Variants in CNR1 observed in about 807,000 individuals in gnomAD.
CNR1 encodes the protein cannabinoid receptor 1 (brain).
Under a neutral mutation model 23.0 loss-of-function variants are expected in CNR1, and 10 were observed. That is an observed-to-expected ratio of 0.43 (90% CI 0.27 to 0.74). The LOEUF is 0.74. Among genes scored for constraint, CNR1 ranks in the 30% least tolerant of loss-of-function variants. The pLI, the probability that CNR1 is intolerant of heterozygous loss-of-function variation, is 0.19. For synonymous variants in CNR1, 271 were observed against 255.2 expected (o/e 1.06, Z -0.59); for missense variants, 422 against 618.8 (o/e 0.68, Z 3.37).
intron 1 of CNR1, among the ~76,000 whole-genome samples, chr6:88,152,997 T>C (rs999319929): frequency 6.6e-6 from 1 of 152,196 alleles, no homozygotes; most frequent in Non-Finnish European, 1.5e-5. Context: ...TTGAATGACA[T>C]ATAAGGGAAT....
At chr6:88,153,807 A>G (rs988061836) in intron 1 of CNR1, among the ~76,000 whole-genome samples, 1 of 152,258 alleles carries the variant, frequency 6.6e-6, no homozygotes, top group African/African-American at 2.4e-5. Flanking sequence ...TCATGCTGTC[A>G]ATATACACGG....
At chr6:88,158,553 C>T (rs1777922013) in intron 1 of CNR1, among the ~76,000 whole-genome samples, 1 of 152,144 alleles carries the variant, frequency 6.6e-6, no homozygotes, top group Non-Finnish European at 1.5e-5. Context: ...TTACGAAAAA[C>T]ACAAATTCTC....
At chr6:88,160,828 A>T (rs2127769372) in intron 1 of CNR1, among the ~76,000 whole-genome samples, 2 of 152,332 alleles carry the variant, frequency 1.3e-5, no homozygotes, top group East Asian at 3.9e-4. Context: ...ACTCATATTG[A>T]TTCCAATTTT....
chr6:88,161,385 G>A (rs1778098352), intron 1 of CNR1, among the ~76,000 whole-genome samples: 2 of 152,058 alleles, frequency 1.3e-5, no homozygotes, highest in Admixed American at 6.5e-5. Context: ...TATGAACCTC[G>A]AGAATTCCAT....
intron 1 of CNR1, among the ~76,000 whole-genome samples, chr6:88,155,900 G>A (rs1476845407): frequency 6.6e-6 from 1 of 152,164 alleles, no homozygotes; most frequent in Non-Finnish European, 1.5e-5. Context: ...AGATGGTAAT[G>A]ACACTTTCCA....
At chr6:88,164,705 A>G (rs1778280778) in intron 1 of CNR1, among the ~76,000 whole-genome samples, 1 of 152,202 alleles carries the variant, frequency 6.6e-6, no homozygotes, top group Non-Finnish European at 1.5e-5. Context: ...GGAACCTTAA[A>G]GGTTGGTTGC....
At chr6:88,150,911 A>T (rs1044980645) in intron 1 of CNR1, among the ~76,000 whole-genome samples, 3 of 152,192 alleles carry the variant, frequency 2.0e-5, no homozygotes, top group Admixed American at 2.0e-4. Flanking sequence ...CACATTTCTT[A>T]TGGCATTGTG....
chr6:88,144,882 G>A lies in CNR1; in HGVS notation c.393C>T (p.Val131=). The A allele has an allele frequency of 6.2e-7, 1 of 1,614,220 alleles. No individual in the cohort carries two copies. Among genetic ancestry groups the A allele is most frequent in the Non-Finnish European group, 8.5e-7 (1 of 1,180,042 alleles). Residue 131 remains valine (V), a synonymous_variant, in exon 2 of 2, where the codon GTC becomes GTT. Transcript: ENST00000369501. The surrounding 1 kb of genome is among the most constrained non-coding windows in gnomAD (Gnocchi z 7.8). Reference sequence around the variant, plus strand: ...CGCACAGCACCAGGAGGTTCTCCAGGACCGTGAAGGTGCCCAGCGTGAGGG... The same window carrying A: ...CGCACAGCACCAGGAGGTTCTCCAGAACCGTGAAGGTGCCCAGCGTGAGGG... ...VLSLTLGTFT[V]LENLLVLCVI...
Position 88,143,720 on chromosome 6 carries a change from G to C in CNR1, c.*136C>G. On this transcript the variant is annotated 3_prime_UTR_variant, in exon 2 of 2. Transcript: ENST00000369501. ...TATGGAAACATTAGCAAACTGATAA[G>C]TGATCATGGTGACAATCACCTTTTC... 1.5e-6 allele frequency: 1 copy of C among 689,584 alleles called. No homozygotes were observed. Among genetic ancestry groups the C allele is most frequent in the Admixed American group, 2.4e-5 (1 of 41,262 alleles). 42.7% of individuals were successfully genotyped at this position (689,584 alleles called of 1,614,324 possible). A position where few individuals can be genotyped will look rare whatever the true frequency, so the allele number is the denominator to read the frequency against.
chr6:88,149,039 C>G (rs1411176447), intron 1 of CNR1, among the ~76,000 whole-genome samples: 1 of 152,194 alleles, frequency 6.6e-6, no homozygotes. Context: ...CAGATGGGAG[C>G]CATCACCTAC....
intron 1 of CNR1, among the ~76,000 whole-genome samples, chr6:88,161,866 T>A (rs1778126694): frequency 6.6e-6 from 1 of 152,222 alleles, no homozygotes; most frequent in African/African-American, 2.4e-5. Flanking sequence ...GGTAACGTTG[T>A]AATGTGTTAT....
chr6:88,144,044 T>G lies in CNR1; in HGVS notation c.1231A>C (p.Met411Leu). 6.2e-7 allele frequency: 1 copy of G among 1,614,078 alleles called. No individual in the cohort carries two copies. The highest frequency in any genetic ancestry group is 8.5e-7 in the Non-Finnish European group (1 of 1,180,018). Residue 411 changes from methionine (M) to leucine (L), a missense_variant, in exon 2 of 2, where the codon ATG becomes CTG. Met to Leu is a conservative substitution (Grantham distance 15, BLOSUM62 2). Around this residue, in one of 4 missense-constraint regions of CNR1, gnomAD observed 79 missense variants for 98.0 expected, o/e 0.81. Transcript: ENST00000369501. The surrounding 1 kb of genome is among the most constrained non-coding windows in gnomAD (Gnocchi z 7.8). ...SKDLRHAFRS[M>L]FPSCEGTAQP... ...GCAGTGCCTTCACAAGAGGGAAACA[T>G]GCTCCGGAAAGCGTGTCGCAGGTCC... is the stretch of plus-strand genomic sequence containing the variant.
intron 1 of CNR1, among the ~76,000 whole-genome samples, chr6:88,148,165 G>GC (rs1226841541): frequency 2.0e-5 from 3 of 152,120 alleles, no homozygotes; most frequent in Admixed American, 6.6e-5. Flanking sequence ...TGCTCCCATT[G>GC]CCCCTTACAC....
intron 1 of CNR1, among the ~76,000 whole-genome samples, chr6:88,157,146 C>T (rs1261975965): frequency 1.3e-5 from 2 of 152,156 alleles, no homozygotes; most frequent in Non-Finnish European, 2.9e-5. Context: ...TAATTATATG[C>T]TGTTGATAGA....
In CNR1 at chr6:88,145,053, G is replaced by C; in HGVS notation, c.222C>G (p.Asp74Glu). 6.2e-7 allele frequency: 1 copy of C among 1,614,146 alleles called. No individual in the cohort carries two copies. The highest frequency in any genetic ancestry group is 8.5e-7 in the Non-Finnish European group (1 of 1,180,016). Residue 74 changes from aspartate (D) to glutamate (E), a missense_variant, in exon 2 of 2, where the codon GAC becomes GAG. By Grantham distance (45) the Asp-to-Glu change is conservative. Around this residue, in one of 4 missense-constraint regions of CNR1, gnomAD observed 120 missense variants for 117.6 expected, o/e 1.02. Coordinates refer to ENST00000369501, the MANE Select transcript of CNR1 (RefSeq NM_016083.6). ...TGTAAAATTCTGTAATGTTCACCTG[G>C]TCTGCTGGGACTAGCTGGGGGTTGT... ...AGDNPQLVPA[D>E]QVNITEFYNK...
In CNR1 at chr6:88,161,556, T is replaced by TA. The variant is rs534554575; in HGVS notation, c.-64+4246dup. The stretch of plus-strand genomic sequence containing the variant: ...CAACTAACTGTCCTCTAAACTATTA[T>TA]AAAAAATATACTTTTTTTCATTATG... On this transcript the variant is annotated intron_variant, in intron 1 of 1. Coordinates refer to ENST00000369501, the MANE Select transcript of CNR1 (RefSeq NM_016083.6). 1.8e-4 allele frequency among the ~76,000 whole-genome samples: 28 copies of TA among 152,336 alleles called. 1 individual carries two copies. In the East Asian group the frequency reaches 2.5e-3, roughly 14 times the overall value.
chr6:88,144,663 C>T lies in CNR1; in HGVS notation c.612G>A (p.Val204=). 3 of 1,614,162 alleles carry T rather than the reference C, an allele frequency of 1.9e-6. No individual in the cohort carries two copies. Among genetic ancestry groups the T allele is most frequent in the Non-Finnish European group, 1.7e-6 (2 of 1,180,028 alleles). The change falls in exon 2 of 2, where the codon GTG becomes GTA. Residue 204 remains valine (V), a synonymous_variant. Transcript: ENST00000369501. The surrounding 1 kb of genome is among the most constrained non-coding windows in gnomAD (Gnocchi z 7.8). ...GGVTASFTAS[V]GSLFLTAIDR... ...CGATGGCTGTGAGGAACAGGCTGCC[C>T]ACGGAGGCAGTGAAGGAGGCCGTGA...
intron 1 of CNR1, among the ~76,000 whole-genome samples, chr6:88,161,121 C>T (rs1041769158): frequency 7.2e-4 from 109 of 152,158 alleles, no homozygotes; most frequent in Non-Finnish European, 6.2e-4. Context: ...TGCAATAGCA[C>T]AATGGGTTAA....
chr6:88,148,455 A>C (rs1777328482), intron 1 of CNR1, among the ~76,000 whole-genome samples: 1 of 108,534 alleles, frequency 9.2e-6, no homozygotes, highest in South Asian at 2.6e-4. Flanking sequence ...GAAGGCTCCA[A>C]ATAAGCTGGT....
Sources: gnomAD v4.1 joint callset for allele counts (sites outside exome capture counted in the v4.1 genomes callset) on GRCh38, gnomAD v4.1.1 for gene constraint, gnomAD v4.1.1 regional missense constraint, Gnocchi (gnomAD v3.1) non-coding constraint, MANE v1.5 for transcripts, NCBI Gene and HGNC (gene_info 2026-07-23, HGNC 2026-07-21) for gene names.